Variants in C1QTNF7 observed in about 807,000 individuals in gnomAD.
C1QTNF7 encodes complement C1q tumor necrosis factor-related protein 7.
In C1QTNF7, 15 loss-of-function variants were observed where a neutral mutation model predicts 19.6. The observed-to-expected ratio is 0.76, with a 90% confidence interval of 0.51 to 1.18. The LOEUF (loss-of-function observed/expected upper bound fraction) is 1.18, where lower values mean the gene tolerates loss of function less well. Among genes scored for constraint, C1QTNF7 ranks in the 50% most tolerant of loss-of-function variants. The probability of loss-of-function intolerance (pLI) is 0.00; values close to 1 mark genes in which losing one functional copy is unlikely to be tolerated. For missense variants in C1QTNF7, 324 were observed against 359.7 expected (o/e 0.90, Z 0.80); for synonymous variants, 142 against 137.5 (o/e 1.03, Z -0.23).
chr4:15,436,993 C>A (rs1167783243), intron 2 of C1QTNF7, among the ~76,000 whole-genome samples: 2 of 152,238 alleles, frequency 1.3e-5, no homozygotes, highest in Middle Eastern at 3.4e-3. Flanking sequence ...ATGAACATTG[C>A]ACAATAATAG....
chr4:15,373,025 C>T (rs1464141124), intron 1 of C1QTNF7, among the ~76,000 whole-genome samples: 2 of 152,290 alleles, frequency 1.3e-5, no homozygotes, highest in South Asian at 2.1e-4. Context: ...AGTTGCACAT[C>T]CCGCTGGAAA....
At chr4:15,441,919 G>T (rs1712773849) in intron 2 of C1QTNF7, among the ~76,000 whole-genome samples, 1 of 152,074 alleles carries the variant, frequency 6.6e-6, no homozygotes, top group Non-Finnish European at 1.5e-5. Flanking sequence ...TGCTTGGGAG[G>T]CTGAGGCAGG....
chr4:15,343,470 AG>A (rs1716617696), intron 1 of C1QTNF7, among the ~76,000 whole-genome samples: 1 of 151,618 alleles, frequency 6.6e-6, no homozygotes, highest in Admixed American at 6.6e-5. Context: ...TTCAACTTTT[AG>A]GAGGAAAAGT....
chr4:15,439,028 T>C (rs1017922663), intron 2 of C1QTNF7, among the ~76,000 whole-genome samples: 1 of 152,172 alleles, frequency 6.6e-6, no homozygotes, highest in South Asian at 2.1e-4. Context: ...TGGAGAACTA[T>C]AAAGAAATCC....
intron 1 of C1QTNF7, among the ~76,000 whole-genome samples, chr4:15,360,468 A>T (rs538999147): frequency 6.6e-6 from 1 of 152,324 alleles, no homozygotes; most frequent in South Asian, 2.1e-4. Context: ...TTCATGGCCA[A>T]CATCGCTGTA....
chr4:15,435,688 C>G, intron 1 of C1QTNF7, 48 bp from the exon 2 acceptor site: 8 of 1,602,376 alleles, frequency 5.0e-6, no homozygotes, highest in Non-Finnish European at 6.8e-6. Flanking sequence ...CAAACCACAC[C>G]CCTCCCAACA....
At position 15,442,295 on chromosome 4, in the gene C1QTNF7, A is replaced by C. The variant is rs763919521; in HGVS notation, c.366A>C (p.Gly122=). Residue 122 remains glycine, a synonymous_variant, in exon 3 of 3, where the codon GGA becomes GGC. Transcript: ENST00000444304. ...AAGTAGGTCCAATTGGTCCTCCTGG[A>C]CCAAAGGGAGACAGAGGAGAACAAG... ...KGEVGPIGPP[G]PKGDRGEQGD... The C allele has an allele frequency of 5.0e-6, 8 of 1,613,948 alleles. No individual in the cohort carries two copies. The African/African-American group carries it at 1.1e-4, about 22-fold the overall frequency.
At chr4:15,412,736 A>G (rs999177640) in intron 1 of C1QTNF7, among the ~76,000 whole-genome samples, 5 of 152,184 alleles carry the variant, frequency 3.3e-5, no homozygotes, top group Non-Finnish European at 7.3e-5. Flanking sequence ...TGGAAAGTAA[A>G]TTACACTAAA....
Position 15,435,795 on chromosome 4 carries a change from C to T in C1QTNF7, c.52C>T (p.Pro18Ser), listed in dbSNP as rs755392208. Residue 18 changes from proline (P) to serine (S), a missense_variant, in exon 2 of 3, where the codon CCC (proline) becomes TCC (serine). Pro to Ser is a moderately conservative substitution (Grantham distance 74, BLOSUM62 -1). Transcript: ENST00000444304. ...TSFAICASGQ[P>S]RGNQLKGENY... is the part of the protein sequence containing the mutation. ...TTTTGCCATTTGTGCCAGTGGACAA[C>T]CCCGGGGTAATCAGTTGAAAGGAGA... 3 of 1,614,118 alleles carry T rather than the reference C, an allele frequency of 1.9e-6. No individual in the cohort carries two copies. Among genetic ancestry groups the T allele is most frequent in the South Asian group, 2.2e-5 (2 of 91,076 alleles).
intron 1 of C1QTNF7, among the ~76,000 whole-genome samples, chr4:15,411,482 C>T (rs541865204): frequency 3.9e-4 from 59 of 152,312 alleles, no homozygotes; most frequent in African/African-American, 1.4e-3. Context: ...GCAGCCTAGT[C>T]AGCCTGCATT....
chr4:15,433,755 GC>G (rs1372470737), intron 1 of C1QTNF7, among the ~76,000 whole-genome samples: 1 of 152,106 alleles, frequency 6.6e-6, no homozygotes, highest in Non-Finnish European at 1.5e-5. Flanking sequence ...GTGATTCCAG[GC>G]CCCAAAGAGC....
intron 1 of C1QTNF7, among the ~76,000 whole-genome samples, chr4:15,417,603 C>A (rs2430322): frequency 1.3e-5 from 2 of 152,172 alleles, no homozygotes; most frequent in Non-Finnish European, 2.9e-5. Flanking sequence ...ATAGTGAGAA[C>A]CTGTCTCTAC....
At chr4:15,427,478 C>T (rs115691060), upstream of C1QTNF7, among the ~76,000 whole-genome samples, 2,002 of 152,268 alleles carry the variant, frequency 0.013, 21 homozygotes, top group Non-Finnish European at 0.021. Flanking sequence ...AATCATTTAT[C>T]CATTCAGCAA....
At chr4:15,375,932 A>G (rs1337217372) in intron 1 of C1QTNF7, among the ~76,000 whole-genome samples, 1 of 152,190 alleles carries the variant, frequency 6.6e-6, no homozygotes, top group East Asian at 1.9e-4. Flanking sequence ...CCAGTATGTC[A>G]GTCATTGTCA....
intron 1 of C1QTNF7, among the ~76,000 whole-genome samples, chr4:15,375,323 C>G (rs1717898433): frequency 6.6e-6 from 1 of 152,118 alleles, no homozygotes; most frequent in Admixed American, 6.5e-5. Context: ...GATTTATTTA[C>G]TGTCTATTTT....
chr4:15,405,762 C>A (rs1252661132), intron 1 of C1QTNF7, among the ~76,000 whole-genome samples: 1 of 152,150 alleles, frequency 6.6e-6, no homozygotes, highest in African/African-American at 2.4e-5. Context: ...TTCCTATTGA[C>A]CTTCAAATAA....
At chr4:15,350,147 GAGGA>G (rs1716864800) in intron 1 of C1QTNF7, among the ~76,000 whole-genome samples, 1 of 84,930 alleles carries the variant, frequency 1.2e-5, no homozygotes, top group Non-Finnish European at 2.2e-5. Flanking sequence ...GGGAGGGAAG[GAGGA>G]AAGAAGGGAG....
At position 15,352,841 on chromosome 4, in the gene C1QTNF7, C is replaced by T. The variant is rs570454677; in HGVS notation, c.13+12634C>T. Among the ~76,000 whole-genome samples, 11 of 152,326 alleles carry T rather than the reference C, an allele frequency of 7.2e-5. No homozygotes were observed. In the East Asian group the frequency reaches 7.7e-4, roughly 11 times the overall value. On this transcript the variant is annotated intron_variant, in intron 1 of 2. Coordinates refer to the C1QTNF7 transcript ENST00000295297. Reference sequence around the variant, plus strand: ...GTTGCCTGCCAAATCATCTCACACACGCCAGCTCATCTGGCCATCTTTGCT... The same window carrying T: ...GTTGCCTGCCAAATCATCTCACACATGCCAGCTCATCTGGCCATCTTTGCT...
intron 1 of C1QTNF7, among the ~76,000 whole-genome samples, chr4:15,434,484 T>G (rs373480181): frequency 6.6e-6 from 1 of 152,208 alleles, no homozygotes; most frequent in South Asian, 2.1e-4. Context: ...ATGATTTCCT[T>G]TGGGAGAGTA....
Sources: gnomAD v4.1 joint callset for allele counts (sites outside exome capture counted in the v4.1 genomes callset) on GRCh38, gnomAD v4.1.1 for gene constraint, MANE v1.5 for transcripts, NCBI Gene and HGNC (gene_info 2026-07-23, HGNC 2026-07-21) for gene names.